RABL3: variants seen among roughly 807,000 people sequenced by gnomAD.
RABL3 encodes the protein RAB, member of RAS oncogene family like 3.
RABL3 carries 31 observed loss-of-function variants against 31.8 expected under a neutral mutation model. The ratio of observed to expected loss-of-function variants is 0.97; its 90% CI spans 0.73 to 1.31. The LOEUF (loss-of-function observed/expected upper bound fraction) is 1.31. Ranked by LOEUF, RABL3 falls within the 40% of genes most tolerant of loss-of-function variation. The probability of loss-of-function intolerance (pLI) is 0.00; values close to 1 mark genes in which losing one functional copy is unlikely to be tolerated. For missense variants in RABL3, 263 were observed against 279.6 expected (o/e 0.94, Z 0.42); for synonymous variants, 97 against 99.9 (o/e 0.97, Z 0.18).
chr3:120,730,634 T>G, intron 2 of RABL3, 62 bp downstream of exon 2: 2 of 1,089,412 alleles, frequency 1.8e-6, no homozygotes, highest in South Asian at 2.6e-5. Flanking sequence ...AATTTGATCA[T>G]GTAATTTGAA....
At chr3:120,740,629 TA>T (rs1709029880) in intron 1 of RABL3, among the ~76,000 whole-genome samples, 1 of 152,226 alleles carries the variant, frequency 6.6e-6, no homozygotes, top group African/African-American at 2.4e-5. Context: ...TATTTAAAAA[TA>T]AACTTTCGGG....
At chr3:120,735,667 C>T (rs1708951545) in intron 1 of RABL3, among the ~76,000 whole-genome samples, 1 of 152,050 alleles carries the variant, frequency 6.6e-6, no homozygotes, top group African/African-American at 2.4e-5. Context: ...TTCCTGCTTT[C>T]TCTTGTGGGC....
At chr3:120,727,807 A>G (rs1708839939) in intron 2 of RABL3, among the ~76,000 whole-genome samples, 1 of 152,234 alleles carries the variant, frequency 6.6e-6, no homozygotes, top group Non-Finnish European at 1.5e-5. Flanking sequence ...ATTAATCAAC[A>G]TAATTTACCA....
chr3:120,734,311 G>A, intron 1 of RABL3, among the ~76,000 whole-genome samples: 1 of 152,188 alleles, frequency 6.6e-6, no homozygotes. Flanking sequence ...TGAAGCAATT[G>A]TGAATGGGGA....
intron 2 of RABL3, among the ~76,000 whole-genome samples, chr3:120,716,892 AC>A (rs1050591181): frequency 3.2e-4 from 49 of 152,234 alleles, no homozygotes; most frequent in Admixed American, 2.7e-3. Flanking sequence ...GTCCATGACA[AC>A]TTAAGGTTAT....
chr3:120,713,491 G>A (rs1173009694), intron 2 of RABL3, among the ~76,000 whole-genome samples: 1 of 152,222 alleles, frequency 6.6e-6, no homozygotes, highest in Non-Finnish European at 1.5e-5. Context: ...GTACTTTGGT[G>A]CTATACTGAG....
chr3:120,736,821 G>C (rs1156273656), intron 1 of RABL3, among the ~76,000 whole-genome samples: 2 of 152,134 alleles, frequency 1.3e-5, no homozygotes, highest in African/African-American at 2.4e-5. Flanking sequence ...TGAAATTCTG[G>C]GTTGAAAATT....
chr3:120,703,537 C>T (rs148164718), intron 4 of RABL3, among the ~76,000 whole-genome samples: 82 of 151,408 alleles, frequency 5.4e-4, no homozygotes, highest in South Asian at 1.7e-3. Flanking sequence ...CAAAATAAAC[C>T]AAAAGCAAGC....
At chr3:120,734,370 T>C (rs912865655) in intron 1 of RABL3, among the ~76,000 whole-genome samples, 6 of 152,240 alleles carry the variant, frequency 3.9e-5, no homozygotes, top group Non-Finnish European at 8.8e-5. Context: ...ATAAGAATGC[T>C]TGTGATTTTT....
chr3:120,685,122 G>GA lies in RABL3; in HGVS notation c.*4700dup, dbSNP rs1278638952. ...GCAGAGCCAGGGAGGGCTTCCCAGA[G>GA]AAGACTATGTCTGAGCCAAGTCCCA... On this transcript the variant is annotated 3_prime_UTR_variant, in exon 8 of 8. Coordinates refer to ENST00000273375, the MANE Select transcript of RABL3 (RefSeq NM_173825.5). Among the ~76,000 whole-genome samples, 1 of 152,234 alleles carries GA rather than the reference G, an allele frequency of 6.6e-6. No individual in the cohort carries two copies. The highest frequency in any genetic ancestry group is 1.5e-5 in the Non-Finnish European group (1 of 68,046).
chr3:120,704,786 C>T (rs533431924), intron 4 of RABL3, among the ~76,000 whole-genome samples: 2 of 152,252 alleles, frequency 1.3e-5, no homozygotes, highest in Admixed American at 1.3e-4. Context: ...TGGCTCATGC[C>T]TGTAACCCAG....
chr3:120,739,377 G>A (rs751728577), intron 1 of RABL3, among the ~76,000 whole-genome samples: 22 of 152,008 alleles, frequency 1.4e-4, no homozygotes, highest in Non-Finnish European at 2.6e-4. Context: ...AATCCGTCTC[G>A]GTGGTGGCGG....
intron 2 of RABL3, among the ~76,000 whole-genome samples, chr3:120,721,437 CAT>C (rs1271668072): frequency 6.6e-6 from 1 of 152,096 alleles, no homozygotes. Flanking sequence ...AAACCCATCT[CAT>C]GTGCAGAGAC....
chr3:120,711,422 C>CT (rs1301885165), intron 2 of RABL3, among the ~76,000 whole-genome samples: 1 of 152,152 alleles, frequency 6.6e-6, no homozygotes, highest in Non-Finnish European at 1.5e-5. Flanking sequence ...GTCAAAGTCT[C>CT]TATCTCCTTG....
intron 3 of RABL3, among the ~76,000 whole-genome samples, chr3:120,706,515 A>G (rs1297989769): frequency 6.6e-6 from 1 of 151,900 alleles, no homozygotes; most frequent in Non-Finnish European, 1.5e-5. Flanking sequence ...TTCACTGTAC[A>G]CAGTACTGCC....
In RABL3 at chr3:120,689,844, T is replaced by C. The variant is rs750097794; in HGVS notation, c.690A>G (p.Leu230=). 3.1e-6 allele frequency: 5 copies of C among 1,613,086 alleles called. No homozygotes were observed. The Admixed American group carries it at 6.7e-5, about 22-fold the overall frequency. Residue 230 remains leucine (L), a synonymous_variant, in exon 8 of 8, where the codon TTA becomes TTG. Transcript: ENST00000273375. ...PDRKRFGAGT[L]KSLHYD is the part of the protein sequence containing the mutation. ...TAATTCAGTCATAATGAAGGCTCTT[T>C]AATGTTCCTGCCCCAAATCTTTTCC... is the stretch of plus-strand genomic sequence containing the variant.
At chr3:120,720,477 G>A (rs1708725510) in intron 2 of RABL3, among the ~76,000 whole-genome samples, 1 of 152,186 alleles carries the variant, frequency 6.6e-6, no homozygotes. Flanking sequence ...AATCAACACA[G>A]ACAAGTCCTT....
chr3:120,736,758 T>A (rs534859999), intron 1 of RABL3, among the ~76,000 whole-genome samples: 3 of 152,344 alleles, frequency 2.0e-5, no homozygotes. Flanking sequence ...CATTTGCTTG[T>A]CTGTCAAGTA....
At chr3:120,699,175 A>G (rs748010708) in intron 4 of RABL3, among the ~76,000 whole-genome samples, 4 of 152,134 alleles carry the variant, frequency 2.6e-5, no homozygotes, top group Non-Finnish European at 4.4e-5. Context: ...GTGATACTAT[A>G]GCCTGGGAAA....
Sources: gnomAD v4.1 joint callset for allele counts (sites outside exome capture counted in the v4.1 genomes callset) on GRCh38, gnomAD v4.1.1 for gene constraint, MANE v1.5 for transcripts, NCBI Gene and HGNC (gene_info 2026-07-23, HGNC 2026-07-21) for gene names.